The following CDK5RAP2 variants were observed in gnomAD, a reference collection of about 807,000 sequenced individuals.
CDK5RAP2 encodes CDK5 regulatory subunit associated protein 2, also known as CDK5 regulatory subunit-associated protein 2.
CDK5RAP2 carries 147 observed loss-of-function variants against 232.9 expected under a neutral mutation model. The observed-to-expected ratio is 0.63, with a 90% CI of 0.55 to 0.72. CDK5RAP2 has a LOEUF of 0.72. CDK5RAP2 is among the 30% of genes least tolerant of loss of function. CDK5RAP2 has a pLI of 0.00. For synonymous variants in CDK5RAP2, 833 were observed against 833.7 expected, an observed-to-expected ratio of 1.00 and a Z score of 0.01; for missense variants, 2,195 against 2,231.5, an observed-to-expected ratio of 0.98 and a Z score of 0.33.
chr9:120,401,024 C>G, intron 34 of CDK5RAP2, 139 bp from the exon 35 acceptor site: 1 of 798,382 alleles, frequency 1.3e-6, no homozygotes, highest in Non-Finnish European at 2.0e-6. Flanking sequence ...CCACATAACA[C>G]CAATTTATTG....
At chr9:120,553,055 A>G (rs997381766) in intron 3 of CDK5RAP2, among the ~76,000 whole-genome samples, 4 of 152,214 alleles carry the variant, frequency 2.6e-5, no homozygotes, top group Non-Finnish European at 2.9e-5. Context: ...TATTAAGAAA[A>G]AGTATATTTA....
intron 28 of CDK5RAP2, among the ~76,000 whole-genome samples, chr9:120,412,219 T>C (rs2033892698): frequency 1.3e-5 from 2 of 152,286 alleles, no homozygotes; most frequent in South Asian, 4.2e-4. Context: ...TCTAGATACC[T>C]CTATTTCACA....
rs369362889 is a variant in CDK5RAP2 at position 120,557,867 on chromosome 9, C to T, written c.196-6965G>A. On this transcript the variant is annotated intron_variant, in intron 3 of 37. Transcript: ENST00000349780. ...GCAACCTCCGCCTTCCGGGTTCAAG[C>T]GATTCTCCCTGCTTCAGCCTCCCGA... 7.3e-4 allele frequency among the ~76,000 whole-genome samples: 109 copies of T among 148,830 alleles called. 2 individuals are homozygous for T. The East Asian group carries it at 0.021, about 28-fold the overall frequency.
At chr9:120,389,399 A>G (rs2031706341) in intron 37 of CDK5RAP2, 107 bp from the exon 38 acceptor site, 2 of 903,242 alleles carry the variant, frequency 2.2e-6, no homozygotes, top group African/African-American at 3.3e-5. Flanking sequence ...AGTGCTTTCA[A>G]AAACATAGTT....
At position 120,402,327 on chromosome 9, in the gene CDK5RAP2, C is replaced by T. The variant is rs141525725; in HGVS notation, c.5307+479G>A. On this transcript the variant is annotated intron_variant, in intron 34 of 37. Coordinates refer to ENST00000349780, the MANE Select transcript of CDK5RAP2 (RefSeq NM_018249.6). ...TAAAAAAAACACAACAACAACAAAA[C>T]CTCAACAAAAACAAAAATGTAGTGA... Among the ~76,000 whole-genome samples, 1,176 of 152,260 alleles carry T rather than the reference C, an allele frequency of 7.7e-3. 3 individuals carry two copies. Among genetic ancestry groups the T allele is most frequent in the Non-Finnish European group, 0.013 (880 of 68,024 alleles).
intron 13 of CDK5RAP2, among the ~76,000 whole-genome samples, chr9:120,490,796 T>C (rs2038864268): frequency 6.6e-6 from 1 of 152,224 alleles, no homozygotes; most frequent in South Asian, 2.1e-4. Context: ...ACCTTTTTAT[T>C]CTTTCATTGT....
Position 120,439,971 on chromosome 9 carries a change from G to C in CDK5RAP2, c.3150C>G (p.Asp1050Glu). Residue 1050 changes from aspartate to glutamate, a missense_variant and splice_region_variant, in exon 24 of 38, where the codon GAC (aspartate) becomes GAG (glutamate). By Grantham distance (45) the Asp-to-Glu change is conservative. Transcript: ENST00000349780. ...GGTCATCAGGTGGGCAAATCTCAGA[G>C]TCTGAAAATCAAATACACTTATGTC... Reference protein sequence around the residue: ...DSDQQRSYEIDSEICPPDDLA... With the variant: ...DSDQQRSYEIESEICPPDDLA... The C allele has an allele frequency of 4.3e-6, 7 of 1,612,940 alleles. No individual in the cohort carries two copies. Among genetic ancestry groups the C allele is most frequent in the Non-Finnish European group, 5.9e-6 (7 of 1,179,620 alleles).
intron 19 of CDK5RAP2, among the ~76,000 whole-genome samples, chr9:120,459,079 T>A (rs1296868645): frequency 1.3e-5 from 2 of 152,240 alleles, no homozygotes; most frequent in Admixed American, 1.3e-4. Context: ...TGAGTGCTTA[T>A]TATATTCTTC....
intron 12 of CDK5RAP2, among the ~76,000 whole-genome samples, chr9:120,513,358 C>T (rs1354007978): frequency 6.6e-6 from 1 of 152,194 alleles, no homozygotes; most frequent in Non-Finnish European, 1.5e-5. Flanking sequence ...CAACCCTACC[C>T]CACCAGGGGC....
At chr9:120,415,265 T>G in intron 27 of CDK5RAP2, 106 bp from the exon 28 acceptor site, 1 of 1,331,630 alleles carries the variant, frequency 7.5e-7, no homozygotes. Context: ...TTGGATGTGT[T>G]AAGATGGTTA....
At chr9:120,433,349 A>C (rs560063621) in intron 25 of CDK5RAP2, among the ~76,000 whole-genome samples, 1 of 152,338 alleles carries the variant, frequency 6.6e-6, no homozygotes, top group East Asian at 1.9e-4. Flanking sequence ...AGCAAGTACA[A>C]ATACTAATAA....
At chr9:120,511,980 C>T (rs1227485948) in intron 12 of CDK5RAP2, among the ~76,000 whole-genome samples, 2 of 152,050 alleles carry the variant, frequency 1.3e-5, no homozygotes, top group African/African-American at 2.4e-5. Context: ...TCAGGTGATC[C>T]ACCCACCTCG....
intron 12 of CDK5RAP2, among the ~76,000 whole-genome samples, chr9:120,510,184 C>T (rs2040014073): frequency 6.6e-6 from 1 of 152,166 alleles, no homozygotes; most frequent in Non-Finnish European, 1.5e-5. Flanking sequence ...CTGGGAGGTT[C>T]AGGCTGAACT....
intron 18 of CDK5RAP2, 92 bp from the exon 19 acceptor site, chr9:120,460,759 T>A (rs74641189): frequency 7.1e-6 from 11 of 1,548,886 alleles, no homozygotes; most frequent in Non-Finnish European, 9.6e-6. Context: ...TTTTTTTTTT[T>A]AATGCAAAAC....
At chr9:120,415,261 G>T in intron 27 of CDK5RAP2, 102 bp from the exon 28 acceptor site, 1 of 1,363,434 alleles carries the variant, frequency 7.3e-7, no homozygotes, top group Non-Finnish European at 1.0e-6. Context: ...AGTATTGGAT[G>T]TGTTAAGATG....
chr9:120,473,351 T>C (rs2037825070), intron 15 of CDK5RAP2, among the ~76,000 whole-genome samples: 1 of 152,170 alleles, frequency 6.6e-6, no homozygotes, highest in Non-Finnish European at 1.5e-5. Flanking sequence ...AATGAATGAA[T>C]TTGTGGATTT....
At chr9:120,561,867 T>C (rs1218402389) in intron 3 of CDK5RAP2, among the ~76,000 whole-genome samples, 1 of 152,214 alleles carries the variant, frequency 6.6e-6, no homozygotes, top group Non-Finnish European at 1.5e-5. Context: ...GTTTAACCAT[T>C]TCTCTGCTGT....
Position 120,437,501 on chromosome 9 carries a change from G to C in CDK5RAP2, c.3749C>G (p.Ala1250Gly), listed in dbSNP as rs1454037257. 1 of 1,613,646 alleles carries C rather than the reference G, an allele frequency of 6.2e-7. No individual in the cohort carries two copies. Among genetic ancestry groups the C allele is most frequent in the Admixed American group, 1.7e-5 (1 of 60,014 alleles). ...PRYDSLVQSQ[A>G]RELSLQRQQI... ...CTGCCGTTGAAGGGAGAGCTCCCTG[G>C]CTTGGGACTGAACTAATGAATCGTA... Residue 1250 changes from alanine to glycine, a missense_variant, in exon 25 of 38, where the codon GCC (alanine) becomes GGC (glycine). Physicochemically the swap from Ala to Gly is moderately conservative, Grantham distance 60. Transcript: ENST00000349780.
At chr9:120,466,192 G>A (rs1234838813) in intron 18 of CDK5RAP2, among the ~76,000 whole-genome samples, 2 of 152,146 alleles carry the variant, frequency 1.3e-5, no homozygotes, top group African/African-American at 2.4e-5. Flanking sequence ...TGCTGCTTGG[G>A]AAATGCTGTG....
Sources: gnomAD v4.1 joint callset for allele counts (sites outside exome capture counted in the v4.1 genomes callset) on GRCh38, gnomAD v4.1.1 for gene constraint, MANE v1.5 for transcripts, NCBI Gene and HGNC (gene_info 2026-07-23, HGNC 2026-07-21) for gene names.